TAFA4: variants seen among roughly 807,000 people sequenced by gnomAD.
The protein encoded by TAFA4 is chemokine-like protein TAFA-4.
A neutral mutation model predicts 21.1 loss-of-function variants in TAFA4; 20 were observed. The ratio of observed to expected loss-of-function variants is 0.95; its 90% confidence interval spans 0.67 to 1.38. TAFA4 has a LOEUF of 1.38. TAFA4 is among the 40% of genes most tolerant of loss of function. TAFA4 has a pLI of 0.00. For missense variants in TAFA4, 211 were observed against 180.9 expected, an observed-to-expected ratio of 1.17 and a Z score of -0.95; for synonymous variants, 71 against 67.4, an observed-to-expected ratio of 1.05 and a Z score of -0.26.
intron 3 of TAFA4, among the ~76,000 whole-genome samples, chr3:68,814,753 G>T (rs1703926213): frequency 6.6e-6 from 1 of 152,272 alleles, no homozygotes; most frequent in East Asian, 1.9e-4. Flanking sequence ...GTAATTTATA[G>T]ATTCAACGCC....
At chr3:68,855,256 A>C (rs1705045570) in intron 3 of TAFA4, among the ~76,000 whole-genome samples, 1 of 152,222 alleles carries the variant, frequency 6.6e-6, no homozygotes, top group Non-Finnish European at 1.5e-5. Context: ...AAAGTGGTTA[A>C]AATCAGCAAA....
intron 3 of TAFA4, among the ~76,000 whole-genome samples, chr3:68,769,729 A>G (rs1285480407): frequency 1.3e-5 from 2 of 152,204 alleles, no homozygotes; most frequent in East Asian, 3.8e-4. Flanking sequence ...AAAAATTCCC[A>G]AAAACAAATG....
chr3:68,875,776 C>T (rs1483208299), intron 3 of TAFA4, among the ~76,000 whole-genome samples: 2 of 152,122 alleles, frequency 1.3e-5, no homozygotes, highest in Non-Finnish European at 2.9e-5. Flanking sequence ...TGCCACTTCC[C>T]TCTCCCTAAA....
At chr3:68,850,904 A>G (rs1442169995) in intron 3 of TAFA4, among the ~76,000 whole-genome samples, 2 of 151,962 alleles carry the variant, frequency 1.3e-5, no homozygotes, top group African/African-American at 2.4e-5. Flanking sequence ...CCATTTGTCA[A>G]TTTTTGCTTT....
At chr3:68,742,786 C>T (rs921610330) in intron 4 of TAFA4, among the ~76,000 whole-genome samples, 2 of 152,146 alleles carry the variant, frequency 1.3e-5, no homozygotes, top group African/African-American at 4.8e-5. Context: ...GTCCAGGGGC[C>T]TTAAGTGACT....
At chr3:68,902,404 G>T (rs1477109876) in intron 1 of TAFA4, among the ~76,000 whole-genome samples, 2 of 151,180 alleles carry the variant, frequency 1.3e-5, no homozygotes, top group African/African-American at 4.9e-5. Context: ...GTCTTGTTCT[G>T]TTGTTCAGGC....
intron 3 of TAFA4, among the ~76,000 whole-genome samples, chr3:68,841,779 GA>G (rs1704672382): frequency 6.6e-6 from 1 of 151,602 alleles, no homozygotes; most frequent in Non-Finnish European, 1.5e-5. Context: ...TCCCACTTAT[GA>G]GTGAGAACAT....
At chr3:68,769,663 A>T (rs528844164) in intron 3 of TAFA4, among the ~76,000 whole-genome samples, 30 of 152,368 alleles carry the variant, frequency 2.0e-4, no homozygotes, top group Non-Finnish European at 2.8e-4. Context: ...ACATGTATCG[A>T]AACATCACAC....
intron 3 of TAFA4, among the ~76,000 whole-genome samples, chr3:68,760,728 G>A (rs1196570126): frequency 6.6e-6 from 1 of 152,214 alleles, no homozygotes; most frequent in African/African-American, 2.4e-5. Context: ...GCTTCCCTTG[G>A]CGAACATGCC....
chr3:68,783,741 G>GAAAGAAAGA (rs67072857), intron 3 of TAFA4, among the ~76,000 whole-genome samples: 1 of 100,886 alleles, frequency 9.9e-6, no homozygotes, highest in Non-Finnish European at 2.7e-5. Context: ...AAGAAAGAAA[G>GAAAGAAAGA]AAAGTAAGAA....
intron 1 of TAFA4, among the ~76,000 whole-genome samples, chr3:68,900,265 TAATAATAATAATAATAAC>T (rs199988807): frequency 3.1e-4 from 24 of 78,190 alleles, no homozygotes; most frequent in Non-Finnish European, 4.9e-4. Context: ...ATAATAATAA[TAATAATAATAATAATAAC>T]AATAATAATA....
chr3:68,905,072 T>G (rs114570965), intron 1 of TAFA4, among the ~76,000 whole-genome samples: 327 of 152,170 alleles, frequency 2.1e-3, no homozygotes, highest in African/African-American at 7.0e-3. Flanking sequence ...TCCAAACATT[T>G]TTGAGCCCCA....
intron 3 of TAFA4, among the ~76,000 whole-genome samples, chr3:68,799,497 A>T (rs1430667184): frequency 2.0e-5 from 3 of 152,166 alleles, no homozygotes; most frequent in Admixed American, 1.3e-4. Context: ...GGGATCCACA[A>T]ACATTCAGAC....
chr3:68,835,230 CA>C (rs1434066737), intron 3 of TAFA4, among the ~76,000 whole-genome samples: 6 of 152,208 alleles, frequency 3.9e-5, no homozygotes, highest in Non-Finnish European at 1.5e-5. Flanking sequence ...CCCCTACACC[CA>C]CCTTGCTCCC....
chr3:68,896,870 T>C (rs1452443731), intron 1 of TAFA4, among the ~76,000 whole-genome samples: 1 of 151,690 alleles, frequency 6.6e-6, no homozygotes, highest in Non-Finnish European at 1.5e-5. Flanking sequence ...TTTTATCTTA[T>C]GGACACTGTA....
chr3:68,830,472 T>C (rs959196103), intron 3 of TAFA4, among the ~76,000 whole-genome samples: 1 of 152,238 alleles, frequency 6.6e-6, no homozygotes, highest in Admixed American at 6.5e-5. Flanking sequence ...GAGCAGATTG[T>C]TCACTTTCCA....
chr3:68,895,462 G>A (rs1033664868), intron 1 of TAFA4, among the ~76,000 whole-genome samples: 2 of 152,168 alleles, frequency 1.3e-5, no homozygotes, highest in Non-Finnish European at 2.9e-5. Context: ...TTGTTCTTTA[G>A]GACAGAAAAG....
chr3:68,914,461 T>C (rs928208901), intron 1 of TAFA4, among the ~76,000 whole-genome samples: 4 of 152,170 alleles, frequency 2.6e-5, no homozygotes, highest in Admixed American at 1.3e-4. Flanking sequence ...TTATTGTAAA[T>C]TGCACCTCAA....
intron 1 of TAFA4, among the ~76,000 whole-genome samples, chr3:68,911,821 G>A (rs1170505224): frequency 1.3e-5 from 2 of 152,218 alleles, no homozygotes; most frequent in African/African-American, 2.4e-5. Flanking sequence ...GTCAGCCAGT[G>A]GGGCTGCCAG....
Sources: allele counts gnomAD v4.1 joint callset (sites outside exome capture counted in the v4.1 genomes callset), GRCh38; gene constraint gnomAD v4.1.1; transcripts MANE v1.5; gene names NCBI Gene and HGNC (gene_info 2026-07-23, HGNC 2026-07-21).